The following DLGAP1 variants were observed in gnomAD, a reference collection of about 807,000 sequenced individuals.
The protein encoded by DLGAP1 is DLG associated protein 1.
In DLGAP1, 11 loss-of-function variants were observed where a neutral mutation model predicts 90.8. That is an observed-to-expected ratio of 0.12 (90% confidence interval 0.08 to 0.20). The LOEUF is 0.20. DLGAP1 is among the 10% of genes least tolerant of loss of function. The pLI is 1.00. For missense variants in DLGAP1, 1,050 were observed against 1,333.8 expected (o/e 0.79, Z 3.31); for synonymous variants, 558 against 540.7 (o/e 1.03, Z -0.44).
intron 2 of DLGAP1, among the ~76,000 whole-genome samples, chr18:4,086,758 TGTATATTCTTTTTAAGTCA>T (rs1430155543): frequency 6.6e-6 from 1 of 152,052 alleles, no homozygotes; most frequent in Non-Finnish European, 1.5e-5. Context: ...TTAAAAAGAA[TGTATATTCTTTTTAAGTCA>T]GGTCAAGTTT....
chr18:4,418,114 G>C (rs1322356209), intron 1 of DLGAP1, among the ~76,000 whole-genome samples: 1 of 152,086 alleles, frequency 6.6e-6, no homozygotes, highest in Non-Finnish European at 1.5e-5. Context: ...ATGGTATACT[G>C]AGTGAAATAA....
intron 7 of DLGAP1, among the ~76,000 whole-genome samples, chr18:3,715,070 A>C (rs1196300121): frequency 6.6e-6 from 1 of 152,226 alleles, no homozygotes; most frequent in African/African-American, 2.4e-5. Context: ...ACTCTTGTCC[A>C]AGGCAGTGTA....
At chr18:3,742,973 C>CCTTT (rs71160915) in intron 5 of DLGAP1, among the ~76,000 whole-genome samples, 1 of 151,236 alleles carries the variant, frequency 6.6e-6, no homozygotes, top group Non-Finnish European at 1.5e-5. Flanking sequence ...TTCCTTCCTT[C>CCTTT]CTTCCTTCCT....
intron 2 of DLGAP1, among the ~76,000 whole-genome samples, chr18:4,141,059 C>T (rs2076486951): frequency 6.6e-6 from 1 of 151,826 alleles, no homozygotes; most frequent in Non-Finnish European, 1.5e-5. Context: ...TTCTTGTACT[C>T]GAATATTTAT....
intron 7 of DLGAP1, chr18:3,596,898 T>C (rs1238156329): frequency 1.9e-6 from 1 of 519,990 alleles, no homozygotes; most frequent in African/African-American, 1.9e-5. Context: ...GCCAGCATGA[T>C]CTAGCAGGCC....
intron 3 of DLGAP1, among the ~76,000 whole-genome samples, chr18:3,893,276 A>G (rs1173733820): frequency 6.6e-6 from 1 of 152,110 alleles, no homozygotes; most frequent in African/African-American, 2.4e-5. Flanking sequence ...TATATACCAC[A>G]TTTAAAAATG....
chr18:3,649,764 A>G (rs2059231160), intron 7 of DLGAP1, among the ~76,000 whole-genome samples: 1 of 151,892 alleles, frequency 6.6e-6, no homozygotes, highest in Non-Finnish European at 1.5e-5. Context: ...AGGAGGAGGG[A>G]GAGGGAAACA....
chr18:4,239,397 T>G (rs1468181667), intron 1 of DLGAP1, among the ~76,000 whole-genome samples: 1 of 152,196 alleles, frequency 6.6e-6, no homozygotes, highest in Non-Finnish European at 1.5e-5. Context: ...GAAAATCTTT[T>G]GTTTAGAAGT....
intron 7 of DLGAP1, chr18:3,606,466 T>A (rs2057331891): frequency 1.4e-4 from 1 of 7,270 alleles, no homozygotes; most frequent in Non-Finnish European, 2.5e-4. Flanking sequence ...TTTCCCTAAT[T>A]GTAATATGTT....
rs929585889 is a variant in DLGAP1 at position 4,350,274 on chromosome 18, G to A, written c.-267+104732C>T. The stretch of plus-strand genomic sequence containing the variant: ...GGAAATATTAGTTATCGGATACAAT[G>A]AAGTTCAGCACTTTGAGATATCTTA... On this transcript the variant is annotated intron_variant, in intron 1 of 12. Transcript: ENST00000315677. Among the ~76,000 whole-genome samples, 11 of 152,166 alleles carry A rather than the reference G, an allele frequency of 7.2e-5. No homozygotes were observed. In the Middle Eastern group the frequency reaches 0.01, roughly 141 times the overall value.
At chr18:3,596,842 A>G (rs762806517) in intron 7 of DLGAP1, 1 of 520,104 alleles carries the variant, frequency 1.9e-6, no homozygotes, top group South Asian at 1.4e-5. Context: ...GTGCAGTGTC[A>G]TGTCCTGTCA....
chr18:4,309,249 T>A (rs1046357184), intron 1 of DLGAP1, among the ~76,000 whole-genome samples: 9 of 152,222 alleles, frequency 5.9e-5, no homozygotes, highest in Non-Finnish European at 1.0e-4. Flanking sequence ...GTATCATACA[T>A]GTACTTCAGG....
intron 7 of DLGAP1, among the ~76,000 whole-genome samples, chr18:3,624,322 G>C (rs2058213566): frequency 6.6e-6 from 1 of 152,236 alleles, no homozygotes; most frequent in Non-Finnish European, 1.5e-5. Flanking sequence ...CTGTGCCGCT[G>C]AGCACAGGCA....
intron 2 of DLGAP1, among the ~76,000 whole-genome samples, chr18:4,108,737 T>C (rs982096820): frequency 6.6e-6 from 1 of 152,132 alleles, no homozygotes; most frequent in Admixed American, 6.5e-5. Flanking sequence ...GTGCTAACAG[T>C]GAGGAAGGAA....
At chr18:4,187,476 A>G (rs1275100805) in intron 1 of DLGAP1, among the ~76,000 whole-genome samples, 1 of 152,174 alleles carries the variant, frequency 6.6e-6, no homozygotes, top group Non-Finnish European at 1.5e-5. Flanking sequence ...GTACTGAAAT[A>G]TTAAGAACTA....
At position 4,003,841 on chromosome 18, in the gene DLGAP1, A is replaced by C. The variant is rs1461988686; in HGVS notation, c.-73+1275T>G. ...TGTGCGTGTATTAATGCTCTATATG[A>C]ATGCCAGGACTGGTGCAGCCTCAGG... is the stretch of plus-strand genomic sequence containing the variant. On this transcript the variant is annotated intron_variant, in intron 3 of 12. Coordinates refer to ENST00000315677, the MANE Select transcript of DLGAP1 (RefSeq NM_004746.4). Among the ~76,000 whole-genome samples the C allele has an allele frequency of 5.3e-5, 8 of 152,228 alleles. 1 individual carries two copies. Among genetic ancestry groups the C allele is most frequent in the Admixed American group, 5.2e-4 (8 of 15,292 alleles).
At chr18:4,156,314 G>GGTA (rs2076755166) in intron 1 of DLGAP1, among the ~76,000 whole-genome samples, 1 of 152,080 alleles carries the variant, frequency 6.6e-6, no homozygotes, top group Non-Finnish European at 1.5e-5. Flanking sequence ...ATAGGTGATT[G>GGTA]GTAGTATTCC....
intron 2 of DLGAP1, among the ~76,000 whole-genome samples, chr18:4,042,341 C>T (rs1340614284): frequency 6.6e-6 from 1 of 152,200 alleles, no homozygotes; most frequent in African/African-American, 2.4e-5. Context: ...GCACGTCAGA[C>T]TTTCCTAAAT....
At chr18:3,918,791 C>G (rs1210757609) in intron 3 of DLGAP1, among the ~76,000 whole-genome samples, 1 of 152,126 alleles carries the variant, frequency 6.6e-6, no homozygotes, top group Non-Finnish European at 1.5e-5. Flanking sequence ...AGGTCTTGAA[C>G]TAGGGTGGCT....
Sources: gnomAD v4.1 joint callset for allele counts (sites outside exome capture counted in the v4.1 genomes callset) on GRCh38, gnomAD v4.1.1 for gene constraint, MANE v1.5 for transcripts, NCBI Gene and HGNC (gene_info 2026-07-23, HGNC 2026-07-21) for gene names.